The following PPM1L variants were observed in gnomAD, a reference collection of about 807,000 sequenced individuals.
The protein encoded by PPM1L is protein phosphatase, Mg2+/Mn2+ dependent 1L.
A neutral mutation model predicts 31.4 loss-of-function variants in PPM1L; 13 were observed. That is an observed-to-expected ratio of 0.41 (90% CI 0.27 to 0.66). The LOEUF is 0.66. Ranked by LOEUF, PPM1L falls within the 30% of genes least tolerant of loss-of-function variation. The probability of loss-of-function intolerance (pLI) is 0.29; values close to 1 mark genes in which losing one functional copy is unlikely to be tolerated. For synonymous variants in PPM1L, 184 were observed against 175.4 expected (o/e 1.05, Z -0.39); for missense variants, 326 against 453.7 (o/e 0.72, Z 2.56).
At chr3:160,996,527 G>C (rs1356757074) in intron 2 of PPM1L, among the ~76,000 whole-genome samples, 1 of 152,162 alleles carries the variant, frequency 6.6e-6, no homozygotes, top group East Asian at 1.9e-4. Flanking sequence ...TCTAAGTGAA[G>C]TAACTCAGAA....
At chr3:160,858,197 A>G (rs1267147650) in intron 1 of PPM1L, among the ~76,000 whole-genome samples, 2 of 152,212 alleles carry the variant, frequency 1.3e-5, no homozygotes, top group Non-Finnish European at 1.5e-5. Flanking sequence ...CAGTGCTTCC[A>G]TTTTAGCACA....
At chr3:160,881,281 C>A (rs1447613) in intron 1 of PPM1L, among the ~76,000 whole-genome samples, 11,333 of 152,200 alleles carry the variant, frequency 0.074, 527 homozygotes, top group African/African-American at 0.12. Flanking sequence ...TTCCAAGATT[C>A]AGGACTTGGT....
chr3:160,965,768 G>T (rs188964038), intron 2 of PPM1L, among the ~76,000 whole-genome samples: 352 of 152,010 alleles, frequency 2.3e-3, no homozygotes, highest in African/African-American at 8.3e-3. Context: ...AGCTCTCCCA[G>T]TTTTAGGAGG....
At chr3:161,038,986 A>T (rs1163754241) in intron 2 of PPM1L, among the ~76,000 whole-genome samples, 1 of 152,172 alleles carries the variant, frequency 6.6e-6, no homozygotes, top group Non-Finnish European at 1.5e-5. Flanking sequence ...AGTCCTCCTC[A>T]CTGCTACCCT....
intron 1 of PPM1L, among the ~76,000 whole-genome samples, chr3:160,829,106 C>T (rs17236669): frequency 0.014 from 2,147 of 151,864 alleles, 39 homozygotes; most frequent in Non-Finnish European, 0.018. Flanking sequence ...GCTTTGGTCT[C>T]GGTATTCCAG....
At chr3:160,907,274 G>A (rs768754584) in intron 1 of PPM1L, among the ~76,000 whole-genome samples, 46 of 152,238 alleles carry the variant, frequency 3.0e-4, no homozygotes, top group African/African-American at 9.9e-4. Flanking sequence ...AATATAGATA[G>A]TGAGAAATAA....
At chr3:160,920,287 G>T (rs1407642508) in intron 1 of PPM1L, among the ~76,000 whole-genome samples, 1 of 152,068 alleles carries the variant, frequency 6.6e-6, no homozygotes, top group Non-Finnish European at 1.5e-5. Context: ...TAAGGGCCAG[G>T]CCTCTAAGAC....
chr3:160,927,628 G>A (rs985078063), intron 1 of PPM1L, among the ~76,000 whole-genome samples: 2 of 150,704 alleles, frequency 1.3e-5, no homozygotes, highest in African/African-American at 5.0e-5. Flanking sequence ...GTGTGTGTGT[G>A]CGTGCGTGTG....
intron 1 of PPM1L, chr3:160,842,110 A>G (rs1358292293): frequency 1.7e-6 from 1 of 598,472 alleles, no homozygotes; most frequent in African/African-American, 1.9e-5. Context: ...ATATTACATA[A>G]CCAATACAGG....
rs77245564 is a variant in PPM1L at position 160,953,342 on chromosome 3, G to T, written c.400-8394G>T. Among the ~76,000 whole-genome samples the T allele has an allele frequency of 6.4e-3, 972 of 152,100 alleles. 10 individuals are homozygous for T. Among genetic ancestry groups the T allele is most frequent in the African/African-American group, 0.022 (926 of 41,480 alleles). On this transcript the variant is annotated intron_variant, in intron 1 of 3. Transcript: ENST00000498165. The stretch of plus-strand genomic sequence containing the variant: ...GAATTGGTAATAAAATAGATTATTT[G>T]TTAAAAAGTGAAGGAACAAAAATGA...
At chr3:160,954,797 T>A (rs1384737350) in intron 1 of PPM1L, among the ~76,000 whole-genome samples, 5 of 152,206 alleles carry the variant, frequency 3.3e-5, no homozygotes, top group Non-Finnish European at 7.3e-5. Context: ...GTCCCATTTG[T>A]CTATATTGTT....
chr3:160,889,315 GA>G (rs776756694), intron 1 of PPM1L, among the ~76,000 whole-genome samples: 10 of 152,082 alleles, frequency 6.6e-5, no homozygotes, highest in Non-Finnish European at 1.0e-4. Flanking sequence ...TGATAACGGG[GA>G]TATCACCACT....
At chr3:160,845,005 C>T (rs185730383) in intron 1 of PPM1L, among the ~76,000 whole-genome samples, 1 of 152,186 alleles carries the variant, frequency 6.6e-6, no homozygotes, top group Non-Finnish European at 1.5e-5. Flanking sequence ...AATCTGTGGT[C>T]TTTTGTCACT....
chr3:160,966,284 A>G (rs1342945597), intron 2 of PPM1L, among the ~76,000 whole-genome samples: 3 of 152,140 alleles, frequency 2.0e-5, no homozygotes, highest in Admixed American at 6.6e-5. Context: ...GTTATACTTT[A>G]ATTGCAGAAA....
intron 1 of PPM1L, among the ~76,000 whole-genome samples, chr3:160,916,047 A>G (rs1487276553): frequency 6.6e-6 from 1 of 152,256 alleles, no homozygotes; most frequent in Non-Finnish European, 1.5e-5. Context: ...ACAAAAGCCA[A>G]AATAGACAAA....
chr3:160,821,705 T>C (rs141958819), intron 1 of PPM1L, among the ~76,000 whole-genome samples: 2 of 152,220 alleles, frequency 1.3e-5, no homozygotes, highest in Admixed American at 1.3e-4. Flanking sequence ...GTTTTCCACC[T>C]GCTAGAATTT....
intron 1 of PPM1L, among the ~76,000 whole-genome samples, chr3:160,856,484 G>T (rs1711709632): frequency 6.6e-6 from 1 of 152,128 alleles, no homozygotes; most frequent in South Asian, 2.1e-4. Context: ...CATAAAAAAA[G>T]AATGAGATCA....
intron 2 of PPM1L, among the ~76,000 whole-genome samples, chr3:161,039,724 G>C (rs1019008138): frequency 1.3e-5 from 2 of 152,196 alleles, no homozygotes; most frequent in African/African-American, 4.8e-5. Context: ...GTTTCACTGT[G>C]TTAGGATGGT....
At chr3:160,814,552 C>T (rs1002291838) in intron 1 of PPM1L, among the ~76,000 whole-genome samples, 4 of 101,086 alleles carry the variant, frequency 4.0e-5, no homozygotes, top group African/African-American at 1.6e-4. Context: ...TATATATACA[C>T]ACACACATAT....
Sources: gnomAD v4.1 joint callset for allele counts (sites outside exome capture counted in the v4.1 genomes callset) on GRCh38, gnomAD v4.1.1 for gene constraint, MANE v1.5 for transcripts, NCBI Gene and HGNC (gene_info 2026-07-23, HGNC 2026-07-21) for gene names.